NAV3: variants seen among roughly 807,000 people sequenced by gnomAD.
NAV3 encodes pore membrane and/or filament interacting like protein 1.
A neutral mutation model predicts 244.7 loss-of-function variants in NAV3; 87 were observed. That is an observed-to-expected ratio of 0.36 (90% CI 0.30 to 0.42). The LOEUF (loss-of-function observed/expected upper bound fraction) is 0.42, where lower values mean the gene tolerates loss of function less well. Ranked by LOEUF, NAV3 falls within the 20% of genes least tolerant of loss-of-function variation. The pLI is 1.00. For missense variants in NAV3, 2,663 were observed against 2,893.3 expected, an observed-to-expected ratio of 0.92 and a Z score of 1.83; for synonymous variants, 1,126 against 1,042.2, an observed-to-expected ratio of 1.08 and a Z score of -1.55.
At chr12:77,849,473 C>A (rs574278001) in intron 1 of NAV3, among the ~76,000 whole-genome samples, 1 of 152,214 alleles carries the variant, frequency 6.6e-6, no homozygotes, top group African/African-American at 2.4e-5. Context: ...CATGACACCA[C>A]ACATGGAAAA....
intron 21 of NAV3, 49 bp downstream of exon 21, chr12:78,146,441 T>C: frequency 3.5e-6 from 3 of 858,012 alleles, no homozygotes; most frequent in South Asian, 3.1e-5. Context: ...TTAGTTTGCA[T>C]TCATGATGAA....
In NAV3 at chr12:77,867,275, C is replaced by G. The variant is rs145746006; in HGVS notation, c.243+35571C>G. 2.7e-3 allele frequency among the ~76,000 whole-genome samples: 410 copies of G among 152,284 alleles called. 6 individuals are homozygous for G. Among genetic ancestry groups the G allele is most frequent in the African/African-American group, 9.5e-3 (396 of 41,538 alleles). On this transcript the variant is annotated intron_variant, in intron 1 of 39. Transcript: ENST00000397909. ...TTCCATTTTCGCTTGCTCTCATTCT[C>G]TCTTTCCTGTCACCATCTAAGTCGT...
intron 1 of NAV3, among the ~76,000 whole-genome samples, chr12:77,853,912 T>C (rs1169888958): frequency 6.6e-6 from 1 of 152,232 alleles, no homozygotes; most frequent in African/African-American, 2.4e-5. Flanking sequence ...ACATATTATA[T>C]GAATCCTATG....
intron 3 of NAV3, among the ~76,000 whole-genome samples, chr12:77,961,617 C>G (rs1459036206): frequency 1.5e-5 from 2 of 135,096 alleles, no homozygotes; most frequent in Non-Finnish European, 3.1e-5. Flanking sequence ...ATATATATTA[C>G]TATATATGTA....
intron 9 of NAV3, among the ~76,000 whole-genome samples, chr12:78,047,939 T>C (rs762099682): frequency 2.0e-5 from 3 of 152,186 alleles, no homozygotes; most frequent in Admixed American, 6.5e-5. Flanking sequence ...CTTGTCTTTA[T>C]GCTTTATTTC....
intron 8 of NAV3, among the ~76,000 whole-genome samples, chr12:78,013,320 G>C (rs1593278089): frequency 6.6e-6 from 1 of 152,036 alleles, no homozygotes; most frequent in Non-Finnish European, 1.5e-5. Flanking sequence ...GAAGTGTAAA[G>C]CTCCCCAGGA....
At chr12:78,182,276 T>A (rs1416543682) in intron 30 of NAV3, among the ~76,000 whole-genome samples, 1 of 152,014 alleles carries the variant, frequency 6.6e-6, no homozygotes, top group East Asian at 1.9e-4. Context: ...AATGTTTAAA[T>A]GTATAGAATC....
chr12:77,787,924 T>C (rs1870982946), intron 2 of NAV3, among the ~76,000 whole-genome samples: 1 of 152,188 alleles, frequency 6.6e-6, no homozygotes, highest in Non-Finnish European at 1.5e-5. Flanking sequence ...TTTAAAAATA[T>C]TTTCACTATT....
chr12:77,927,019 T>C (rs1002161318), intron 1 of NAV3, among the ~76,000 whole-genome samples: 2 of 152,236 alleles, frequency 1.3e-5, no homozygotes, highest in Non-Finnish European at 2.9e-5. Context: ...TGGAGGATGG[T>C]AGCTGATTTT....
At chr12:77,795,226 A>C (rs1434969254) in intron 2 of NAV3, among the ~76,000 whole-genome samples, 7 of 152,158 alleles carry the variant, frequency 4.6e-5, no homozygotes, top group Non-Finnish European at 8.8e-5. Flanking sequence ...TTTGAAGAAA[A>C]CTTTGCTGGT....
chr12:77,674,385 T>G lies in NAV3; in HGVS notation c.72+102119T>G, dbSNP rs543942212. Among the ~76,000 whole-genome samples the G allele has an allele frequency of 5.3e-5, 8 of 150,096 alleles. No individual in the cohort carries two copies. The East Asian group carries it at 1.2e-3, about 22-fold the overall frequency. On this transcript the variant is annotated intron_variant, in intron 2 of 8. Transcript: ENST00000550042. ...ACACCAAATGGAGATATTTTCAAAT[T>G]ATACTTTTTTTTTTTTTTGAGATAA... is the stretch of plus-strand genomic sequence containing the variant.
chr12:77,596,203 T>C (rs1409597644), intron 2 of NAV3, among the ~76,000 whole-genome samples: 2 of 152,168 alleles, frequency 1.3e-5, no homozygotes, highest in Admixed American at 1.3e-4. Flanking sequence ...GTCTCTTGTA[T>C]TCAATGAGGA....
At chr12:77,721,895 T>A (rs1224162933) in intron 2 of NAV3, among the ~76,000 whole-genome samples, 2 of 152,130 alleles carry the variant, frequency 1.3e-5, no homozygotes, top group Non-Finnish European at 2.9e-5. Flanking sequence ...TATAGGCTTT[T>A]CTGATTCAGG....
At chr12:77,628,257 T>TAC (rs1871725676) in intron 2 of NAV3, among the ~76,000 whole-genome samples, 1 of 152,228 alleles carries the variant, frequency 6.6e-6, no homozygotes. Flanking sequence ...ATATCACATG[T>TAC]ACTCCATAAA....
At chr12:77,740,704 G>C (rs1868311809) in intron 2 of NAV3, among the ~76,000 whole-genome samples, 1 of 151,994 alleles carries the variant, frequency 6.6e-6, no homozygotes, top group Non-Finnish European at 1.5e-5. Context: ...TTTCTAAGAG[G>C]GTAAATAGGA....
rs1205432425 is a variant in NAV3, at chr12:77,752,648, A to G, written c.72+180382A>G. Among the ~76,000 whole-genome samples the G allele has an allele frequency of 2.6e-5, 4 of 152,144 alleles. No individual in the cohort carries two copies. The East Asian group carries it at 5.8e-4, about 22-fold the overall frequency. ...TCCTGGCCCTACCACTCATATGTCT[A>G]GGCAGGTTATTTAGCCTCACTGAGC... is the stretch of plus-strand genomic sequence containing the variant. On this transcript the variant is annotated intron_variant, in intron 2 of 8. Transcript: ENST00000550042.
intron 9 of NAV3, among the ~76,000 whole-genome samples, chr12:78,029,416 G>A (rs1028868823): frequency 2.0e-5 from 3 of 152,154 alleles, no homozygotes; most frequent in Non-Finnish European, 2.9e-5. Flanking sequence ...GATGATCTTA[G>A]TGAAGAACTA....
chr12:77,907,368 G>A (rs1217563255), intron 1 of NAV3, among the ~76,000 whole-genome samples: 1 of 152,140 alleles, frequency 6.6e-6, no homozygotes, highest in African/African-American at 2.4e-5. Flanking sequence ...AACTTTGGTT[G>A]AAGTAGTTTC....
intron 3 of NAV3, among the ~76,000 whole-genome samples, chr12:77,952,841 T>C (rs1891029709): frequency 2.0e-5 from 3 of 152,140 alleles, no homozygotes; most frequent in African/African-American, 7.2e-5. Context: ...CAAATAATGA[T>C]TTATAAATTT....
Sources: gnomAD v4.1 joint callset for allele counts (sites outside exome capture counted in the v4.1 genomes callset) on GRCh38, gnomAD v4.1.1 for gene constraint, MANE v1.5 for transcripts, NCBI Gene and HGNC (gene_info 2026-07-23, HGNC 2026-07-21) for gene names.